RPS6KA2: variants seen among roughly 807,000 people sequenced by gnomAD.
RPS6KA2 encodes the protein ribosomal protein S6 kinase A2, also known as ribosomal protein S6 kinase alpha-2.
A neutral mutation model predicts 91.8 loss-of-function variants in RPS6KA2; 42 were observed. That is an observed-to-expected ratio of 0.46 (90% CI 0.36 to 0.59). RPS6KA2 has a LOEUF of 0.59. Ranked by LOEUF, RPS6KA2 falls within the 20% of genes least tolerant of loss-of-function variation. The pLI, the probability that RPS6KA2 is intolerant of heterozygous loss-of-function variation, is 0.00. For synonymous variants in RPS6KA2, 414 were observed against 393.6 expected (o/e 1.05, Z -0.61); for missense variants, 798 against 978.5 (o/e 0.82, Z 2.46).
Position 166,423,548 on chromosome 6 carries a change from C to T in RPS6KA2, c.1582-131G>A. The T allele has an allele frequency of 1.2e-6, 1 of 805,838 alleles. No individual in the cohort carries two copies. Among genetic ancestry groups the T allele is most frequent in the Admixed American group, 2.8e-5 (1 of 35,764 alleles). 49.9% of individuals were successfully genotyped at this position (805,838 alleles called of 1,614,324 possible). A position where few individuals can be genotyped will look rare whatever the true frequency, so the allele number is the denominator to read the frequency against. ...GCAGGTCCTGCAAGCAGGCAACAGG[C>T]CAACAGTGTCAACAGCTGCTGTCTT... On this transcript the variant is annotated intron_variant, in intron 16 of 20. Coordinates refer to ENST00000265678, the MANE Select transcript of RPS6KA2 (RefSeq NM_021135.6). This position sits in a 1 kb window ranked among gnomAD's most constrained non-coding sequence, Gnocchi z 4.8.
chr6:166,762,261 C>T (rs764787325), intron 2 of RPS6KA2, among the ~76,000 whole-genome samples: 1 of 152,218 alleles, frequency 6.6e-6, no homozygotes. Context: ...CTCCCTCAGA[C>T]GCAAAACCGA....
In RPS6KA2 at chr6:166,469,830, A is replaced by G; in HGVS notation, c.972+11T>C. 1.9e-6 allele frequency: 3 copies of G among 1,613,200 alleles called. No homozygotes were observed. Among genetic ancestry groups the G allele is most frequent in the Non-Finnish European group, 1.7e-6 (2 of 1,179,118 alleles). ...CGCGTGTGCAGGTGGGGACTGTGGC[A>G]TGCAACTTACGTTCCAGTCTATGGT... On this transcript the variant is annotated intron_variant, in intron 11 of 20. Transcript: ENST00000265678.
At chr6:166,724,972 T>C (rs1397540186) in intron 2 of RPS6KA2, among the ~76,000 whole-genome samples, 1 of 152,206 alleles carries the variant, frequency 6.6e-6, no homozygotes, top group Non-Finnish European at 1.5e-5. Flanking sequence ...AAATGCTCTC[T>C]ACTAACTCTC....
chr6:166,448,657 C>T lies in RPS6KA2; in HGVS notation c.1332+67G>A. 6.5e-7 allele frequency: 1 copy of T among 1,528,776 alleles called. No individual in the cohort carries two copies. The highest frequency in any genetic ancestry group is 8.8e-7 in the Non-Finnish European group (1 of 1,131,462). 94.7% of individuals were successfully genotyped at this position (1,528,776 alleles called of 1,614,324 possible). A position where few individuals can be genotyped will look rare whatever the true frequency, so the allele number is the denominator to read the frequency against. ...TATGCTCCTATGCTCCGTGCTCCCA[C>T]ATACCACACGTGCTCCCACGCGCTG... On this transcript the variant is annotated intron_variant, in intron 14 of 20. Coordinates refer to ENST00000265678, the MANE Select transcript of RPS6KA2 (RefSeq NM_021135.6). This position sits in a 1 kb window ranked among gnomAD's most constrained non-coding sequence, Gnocchi z 4.7.
At chr6:166,820,380 C>G (rs1164045918) in intron 2 of RPS6KA2, among the ~76,000 whole-genome samples, 1 of 152,152 alleles carries the variant, frequency 6.6e-6, no homozygotes, top group Non-Finnish European at 1.5e-5. Context: ...GTGCCTCTCA[C>G]CTGGGTCTCA....
At chr6:166,803,614 T>C (rs978782626) in intron 2 of RPS6KA2, among the ~76,000 whole-genome samples, 13 of 152,216 alleles carry the variant, frequency 8.5e-5, no homozygotes, top group African/African-American at 2.9e-4. Flanking sequence ...GGATGCCAAA[T>C]GCTTAGCTGA....
chr6:166,658,291 T>C (rs1356085790), intron 2 of RPS6KA2, among the ~76,000 whole-genome samples: 2 of 152,182 alleles, frequency 1.3e-5, no homozygotes, highest in South Asian at 2.1e-4. Context: ...TCCGTGACTA[T>C]GCTGAACGCT....
chr6:166,614,886 C>T (rs1436035257), intron 1 of RPS6KA2, among the ~76,000 whole-genome samples: 5 of 152,238 alleles, frequency 3.3e-5, no homozygotes, highest in African/African-American at 7.2e-5. Flanking sequence ...AGGAACATCA[C>T]GCCATCTCCA....
At chr6:166,514,388 C>T (rs1782569160) in intron 3 of RPS6KA2, among the ~76,000 whole-genome samples, 3 of 152,274 alleles carry the variant, frequency 2.0e-5, no homozygotes, top group Middle Eastern at 3.4e-3. Context: ...CCTGTGCATG[C>T]TGGGGGAACT....
intron 2 of RPS6KA2, among the ~76,000 whole-genome samples, chr6:166,772,988 C>T (rs774469268): frequency 5.9e-5 from 9 of 152,196 alleles, no homozygotes; most frequent in Non-Finnish European, 1.2e-4. Flanking sequence ...ATCCCTCCCA[C>T]CTCCACCCCT....
At chr6:166,574,895 G>A (rs534267238) in intron 1 of RPS6KA2, among the ~76,000 whole-genome samples, 1 of 152,190 alleles carries the variant, frequency 6.6e-6, no homozygotes. Flanking sequence ...TACAAATAGA[G>A]TAGACTTAGT....
chr6:166,744,741 T>C (rs1168148795), intron 2 of RPS6KA2, among the ~76,000 whole-genome samples: 1 of 152,154 alleles, frequency 6.6e-6, no homozygotes, highest in Non-Finnish European at 1.5e-5. Flanking sequence ...GGCTTGGCTC[T>C]GGATTTAAAG....
At position 166,502,083 on chromosome 6, in the gene RPS6KA2, G is replaced by A. The variant is rs536777385; in HGVS notation, c.567-1159C>T. ...GGGGCTGGGGAGCTACTGTGCAGGG[G>A]GACAGAGCTTTAGTTCTGCAAGATG... On this transcript the variant is annotated intron_variant, in intron 6 of 20. Transcript: ENST00000265678. Among the ~76,000 whole-genome samples, 29 of 152,326 alleles carry A rather than the reference G, an allele frequency of 1.9e-4. No homozygotes were observed. In the South Asian group the frequency reaches 3.9e-3, roughly 21 times the overall value.
intron 2 of RPS6KA2, among the ~76,000 whole-genome samples, chr6:166,659,419 C>G (rs982681199): frequency 6.6e-6 from 1 of 152,280 alleles, no homozygotes; most frequent in East Asian, 1.9e-4. Context: ...CTCAGGAAGA[C>G]GATCGTGCAG....
At chr6:166,697,779 A>T (rs1789398351) in intron 2 of RPS6KA2, among the ~76,000 whole-genome samples, 1 of 152,152 alleles carries the variant, frequency 6.6e-6, no homozygotes, top group African/African-American at 2.4e-5. Flanking sequence ...CTGAACTGAA[A>T]CAGACATGGA....
At position 166,459,453 on chromosome 6, in the gene RPS6KA2, G is replaced by A. The variant is rs1197563460; in HGVS notation, c.1071C>T (p.Pro357=). ...GGGAACCACTGTGGCACACACCTGT[G>A]GGCGTCCGCGCTGTGAACTCGGGGT... ...HFDPEFTART[P]TDSPGVPPSA... The change falls in exon 12 of 21, where the codon CCC becomes CCT. Residue 357 remains proline, a synonymous_variant. Coordinates refer to ENST00000265678, the MANE Select transcript of RPS6KA2 (RefSeq NM_021135.6). This position sits in a 1 kb window ranked among gnomAD's most constrained non-coding sequence, Gnocchi z 4.9. 1.9e-6 allele frequency: 3 copies of A among 1,611,900 alleles called. No homozygotes were observed. The highest frequency in any genetic ancestry group is 3.3e-5 in the Admixed American group (2 of 59,982).
intron 2 of RPS6KA2, among the ~76,000 whole-genome samples, chr6:166,855,951 T>G (rs1239063496): frequency 6.6e-6 from 1 of 152,256 alleles, no homozygotes; most frequent in Non-Finnish European, 1.5e-5. Flanking sequence ...TTCCTCCATC[T>G]GATATTCCGT....
intron 2 of RPS6KA2, among the ~76,000 whole-genome samples, chr6:166,716,883 G>A (rs1315415324): frequency 1.7e-5 from 2 of 114,952 alleles, no homozygotes; most frequent in South Asian, 3.7e-4. Flanking sequence ...CACTGTAACC[G>A]AAATTTAAAT....
chr6:166,801,972 C>G (rs1196222942), intron 2 of RPS6KA2, among the ~76,000 whole-genome samples: 2 of 152,166 alleles, frequency 1.3e-5, no homozygotes, highest in African/African-American at 4.8e-5. Context: ...TAAATCCCTC[C>G]CTAGGCCGGG....
Sources: allele counts gnomAD v4.1 joint callset (sites outside exome capture counted in the v4.1 genomes callset), GRCh38; gene constraint gnomAD v4.1.1; non-coding constraint Gnocchi (gnomAD v3.1); transcripts MANE v1.5; gene names NCBI Gene and HGNC (gene_info 2026-07-23, HGNC 2026-07-21).